SETDB2: variants seen among roughly 807,000 people sequenced by gnomAD.
SETDB2 encodes histone-lysine N-methyltransferase SETDB2.
A neutral mutation model predicts 82.5 loss-of-function variants in SETDB2; 56 were observed. The observed-to-expected ratio is 0.68, with a 90% confidence interval of 0.55 to 0.85. The LOEUF (loss-of-function observed/expected upper bound fraction) is 0.85. Among genes scored for constraint, SETDB2 ranks in the 40% least tolerant of loss-of-function variants. SETDB2 has a pLI of 0.00. For missense variants in SETDB2, 677 were observed against 816.4 expected (o/e 0.83, Z 2.08); for synonymous variants, 272 against 284.9 (o/e 0.95, Z 0.46).
intron 2 of SETDB2, among the ~76,000 whole-genome samples, chr13:49,458,274 G>C (rs540032853): frequency 2.6e-5 from 4 of 152,202 alleles, no homozygotes; most frequent in Admixed American, 2.6e-4. Context: ...AGGAGGTCTT[G>C]CTATGTTACC....
intron 5 of SETDB2, among the ~76,000 whole-genome samples, chr13:49,475,624 C>T (rs1343064911): frequency 6.6e-6 from 1 of 151,872 alleles, no homozygotes; most frequent in Non-Finnish European, 1.5e-5. Context: ...GTAGCTGGAA[C>T]TACAGGCATG....
At chr13:49,467,764 C>T in intron 4 of SETDB2, 100 bp from the exon 5 acceptor site, 2 of 721,158 alleles carry the variant, frequency 2.8e-6, no homozygotes, top group Non-Finnish European at 2.1e-6. Context: ...TTTAGGGATC[C>T]ATATGGGCAG....
chr13:49,452,899 C>CA (rs1957809836), intron 2 of SETDB2, among the ~76,000 whole-genome samples: 2 of 152,146 alleles, frequency 1.3e-5, no homozygotes, highest in African/African-American at 2.4e-5. Flanking sequence ...CATGATTTCT[C>CA]AGAGTTGATA....
intron 5 of SETDB2, among the ~76,000 whole-genome samples, chr13:49,471,474 C>T (rs2138913199): frequency 6.9e-6 from 1 of 145,028 alleles, no homozygotes; most frequent in South Asian, 2.2e-4. Flanking sequence ...GGAGTACATA[C>T]CTATTCAAGC....
Position 49,480,331 on chromosome 13 carries a change from A to G in SETDB2, c.982A>G (p.Thr328Ala), listed in dbSNP as rs1163280727. 1.9e-6 allele frequency: 3 copies of G among 1,583,432 alleles called. No homozygotes were observed. The South Asian group carries it at 3.4e-5, about 18-fold the overall frequency. Reference protein sequence around the residue: ...KYKRLQRQIPTGIYECSLLCK... With the variant: ...KYKRLQRQIPAGIYECSLLCK... ...TAAAAGACTACAGAGACAGATTCCTACTGGGTAAGGTACCTTGAGGATTTG... is the reference window on the plus strand; with the variant it reads ...TAAAAGACTACAGAGACAGATTCCTGCTGGGTAAGGTACCTTGAGGATTTG... Residue 328 changes from threonine (T) to alanine (A), a missense_variant, in exon 7 of 14, where the codon ACT becomes GCT. Around this residue, in one of 3 missense-constraint regions of SETDB2, gnomAD observed 420 missense variants for 554.6 expected, o/e 0.76. Transcript: ENST00000611815.
chr13:49,485,765 G>GT, intron 11 of SETDB2, 42 bp downstream of exon 11: 1 of 1,463,380 alleles, frequency 6.8e-7, no homozygotes, highest in Non-Finnish European at 9.6e-7. Flanking sequence ...TCTTCTGCCT[G>GT]TTTCTCTGTC....
rs1370430700 is a variant in SETDB2, at chr13:49,494,653, T to C, written c.*2804T>C. The C allele has an allele frequency of 2.6e-5, 2 of 75,936 alleles. No homozygotes were observed. Among genetic ancestry groups the C allele is most frequent in the Non-Finnish European group, 5.0e-5 (2 of 39,784 alleles). The allele number at this position is 75,936 out of a possible 1,614,324, so 4.7% of individuals were successfully genotyped here. On this transcript the variant is annotated 3_prime_UTR_variant, in exon 14 of 14. Coordinates refer to ENST00000611815, the MANE Select transcript of SETDB2 (RefSeq NM_001160308.3). The stretch of plus-strand genomic sequence containing the variant: ...CCTGCATGGAGGGCAAAAAAAAATT[T>C]AAAAATTGGCTGCTAGGGTCTGTCT...
intron 4 of SETDB2, among the ~76,000 whole-genome samples, chr13:49,463,343 G>A (rs1363628208): frequency 6.6e-6 from 1 of 152,076 alleles, no homozygotes; most frequent in African/African-American, 2.4e-5. Flanking sequence ...AGTGTTGCGG[G>A]AATTAGGAGG....
chr13:49,487,929 T>C (rs1427317175), intron 11 of SETDB2, among the ~76,000 whole-genome samples: 1 of 152,214 alleles, frequency 6.6e-6, no homozygotes, highest in East Asian at 1.9e-4. Flanking sequence ...TAGAATATAC[T>C]TAAGTGCAGA....
Position 49,476,752 on chromosome 13 carries a change from T to C in SETDB2, c.582T>C (p.Phe194=). The C allele has an allele frequency of 6.2e-7, 1 of 1,614,200 alleles. No individual in the cohort carries two copies. Among genetic ancestry groups the C allele is most frequent in the Non-Finnish European group, 8.5e-7 (1 of 1,180,022 alleles). The change falls in exon 6 of 14, where the codon TTT becomes TTC. Residue 194 remains phenylalanine (F), a synonymous_variant. Coordinates refer to ENST00000611815, the MANE Select transcript of SETDB2 (RefSeq NM_001160308.3). ...GRSLRNVEEV[F]RYLLETECNF... ...GTCTACGAAACGTGGAGGAAGTTTT[T>C]CGTTACCTGCTTGAGACAGAGTGTA...
rs368550920 is a variant in SETDB2 at position 49,489,573 on chromosome 13, C to A, written c.1917+943C>A. Among the ~76,000 whole-genome samples, 17 of 145,316 alleles carry A rather than the reference C, an allele frequency of 1.2e-4. No individual in the cohort carries two copies. In the South Asian group the frequency reaches 3.5e-3, roughly 30 times the overall value. On this transcript the variant is annotated intron_variant, in intron 12 of 13. Transcript: ENST00000611815. ...TTCCCATGCCCCGACTCCACCTTCT[C>A]TCTGTAGGTCATCATATTTATTCTT...
intron 11 of SETDB2, among the ~76,000 whole-genome samples, chr13:49,487,905 C>CT (rs1374280053): frequency 6.6e-6 from 1 of 152,096 alleles, no homozygotes; most frequent in Non-Finnish European, 1.5e-5. Flanking sequence ...AACACCCACT[C>CT]TGTTACATTT....
At chr13:49,472,683 G>GT (rs1164057034) in intron 5 of SETDB2, among the ~76,000 whole-genome samples, 1 of 152,000 alleles carries the variant, frequency 6.6e-6, no homozygotes, top group Non-Finnish European at 1.5e-5. Context: ...TGTAAGTTGG[G>GT]TTTTTTCCTT....
At chr13:49,454,885 G>C (rs1056418051) in intron 2 of SETDB2, among the ~76,000 whole-genome samples, 1 of 151,860 alleles carries the variant, frequency 6.6e-6, no homozygotes, top group African/African-American at 2.4e-5. Context: ...TTTGGTCTCA[G>C]GATGACTTTA....
intron 5 of SETDB2, among the ~76,000 whole-genome samples, chr13:49,468,517 C>T (rs1441754805): frequency 6.6e-6 from 1 of 151,400 alleles, no homozygotes; most frequent in East Asian, 1.9e-4. Flanking sequence ...TGGGCCTAAC[C>T]CTTCAAGTAC....
chr13:49,447,669 G>A (rs1957715781), intron 1 of SETDB2, among the ~76,000 whole-genome samples: 1 of 152,000 alleles, frequency 6.6e-6, no homozygotes, highest in South Asian at 2.1e-4. Flanking sequence ...GTTAATATAA[G>A]CATTCACATT....
At chr13:49,470,324 T>G (rs1958202596) in intron 5 of SETDB2, among the ~76,000 whole-genome samples, 1 of 152,232 alleles carries the variant, frequency 6.6e-6, no homozygotes, top group Non-Finnish European at 1.5e-5. Context: ...CATGTCTTAT[T>G]AGGCTTAGGA....
intron 1 of SETDB2, among the ~76,000 whole-genome samples, chr13:49,447,563 T>A (rs117829778): frequency 0.026 from 3,944 of 152,230 alleles, 88 homozygotes; most frequent in Middle Eastern, 0.044. Flanking sequence ...TCTTTTTTCC[T>A]AATTTGCTAA....
At chr13:49,454,837 C>T (rs1386736700) in intron 2 of SETDB2, among the ~76,000 whole-genome samples, 6 of 152,036 alleles carry the variant, frequency 3.9e-5, no homozygotes, top group Non-Finnish European at 7.4e-5. Flanking sequence ...ACTGATTTCA[C>T]CAGGCTGTGA....
Sources: allele counts gnomAD v4.1 joint callset (sites outside exome capture counted in the v4.1 genomes callset), GRCh38; gene constraint gnomAD v4.1.1; regional missense constraint gnomAD v4.1.1; transcripts MANE v1.5; gene names NCBI Gene and HGNC (gene_info 2026-07-23, HGNC 2026-07-21).